Variants in KCNT2 observed in about 807,000 individuals in gnomAD.
KCNT2 encodes potassium sodium-activated channel subfamily T member 2.
KCNT2 carries 67 observed loss-of-function variants against 153.8 expected under a neutral mutation model. That is an observed-to-expected ratio of 0.44 (90% CI 0.36 to 0.53). The LOEUF (loss-of-function observed/expected upper bound fraction) is 0.53. Among genes scored for constraint, KCNT2 ranks in the 20% least tolerant of loss-of-function variants. KCNT2 has a pLI of 0.00. For missense variants in KCNT2, 975 were observed against 1,354.8 expected, an observed-to-expected ratio of 0.72 and a Z score of 4.40; for synonymous variants, 500 against 458.8, an observed-to-expected ratio of 1.09 and a Z score of -1.15.
At chr1:196,448,075 C>T (rs983999385) in intron 8 of KCNT2, among the ~76,000 whole-genome samples, 17 of 151,582 alleles carry the variant, frequency 1.1e-4, no homozygotes, top group Non-Finnish European at 1.9e-4. Context: ...AACATGTCAT[C>T]CCCTGAAAAA....
intron 1 of KCNT2, among the ~76,000 whole-genome samples, chr1:196,581,357 A>C (rs1662017180): frequency 6.6e-6 from 1 of 152,224 alleles, no homozygotes; most frequent in African/African-American, 2.4e-5. Context: ...CTAGATCTGG[A>C]CCAGTTTAGT....
chr1:196,479,965 T>C (rs992556919), intron 4 of KCNT2, among the ~76,000 whole-genome samples: 1 of 152,242 alleles, frequency 6.6e-6, no homozygotes. Flanking sequence ...TCAGATTTTA[T>C]TTGAATGAAT....
chr1:196,421,934 C>G (rs1018369300), intron 12 of KCNT2, among the ~76,000 whole-genome samples: 9 of 151,990 alleles, frequency 5.9e-5, no homozygotes. Flanking sequence ...CAAATTTTCT[C>G]TTTTTATAAG....
chr1:196,524,190 C>T (rs1314307684), intron 1 of KCNT2, among the ~76,000 whole-genome samples: 1 of 152,212 alleles, frequency 6.6e-6, no homozygotes. Flanking sequence ...GAACACTGAC[C>T]CCATTCATTT....
intron 1 of KCNT2, among the ~76,000 whole-genome samples, chr1:196,519,178 A>G (rs1395957302): frequency 6.6e-6 from 1 of 152,188 alleles, no homozygotes; most frequent in Non-Finnish European, 1.5e-5. Context: ...AAATTAAATA[A>G]CCTGCTCCTC....
intron 1 of KCNT2, among the ~76,000 whole-genome samples, chr1:196,493,237 T>C (rs60344072): frequency 0.017 from 2,619 of 152,056 alleles, 79 homozygotes; most frequent in African/African-American, 0.059. Flanking sequence ...ATTTTAATGT[T>C]TACGCAAAAA....
At chr1:196,408,480 A>G (rs1343811510) in intron 12 of KCNT2, among the ~76,000 whole-genome samples, 3 of 151,678 alleles carry the variant, frequency 2.0e-5, no homozygotes, top group Admixed American at 6.6e-5. Context: ...TTCAAAGTCC[A>G]TAATTATTGT....
At chr1:196,269,234 T>C (rs1160983896) in intron 25 of KCNT2, among the ~76,000 whole-genome samples, 1 of 152,214 alleles carries the variant, frequency 6.6e-6, no homozygotes, top group African/African-American at 2.4e-5. Flanking sequence ...CAAATATATG[T>C]TGAGCACTTG....
chr1:196,536,899 C>T (rs1655657361), intron 1 of KCNT2, among the ~76,000 whole-genome samples: 1 of 152,204 alleles, frequency 6.6e-6, no homozygotes, highest in Non-Finnish European at 1.5e-5. Context: ...CTGCCACACT[C>T]TCATGAGCCT....
In KCNT2 at chr1:196,469,060, G is replaced by A. The variant is rs778383748; in HGVS notation, c.393C>T (p.Ile131=). 33 of 1,588,414 alleles carry A rather than the reference G, an allele frequency of 2.1e-5. No homozygotes were observed. Among genetic ancestry groups the A allele is most frequent in the Non-Finnish European group, 2.8e-5 (32 of 1,161,570 alleles). Residue 131 remains isoleucine (I), a synonymous_variant, in exon 6 of 28, where the codon ATC becomes ATT. Transcript: ENST00000294725. ...LLGYLSYKGN[I]WEQILRIPFI... is the part of the protein sequence containing the mutation. The stretch of plus-strand genomic sequence containing the variant: ...AGGGTATTCGTAAAATCTGTTCCCA[G>A]ATGTTTCCCTTCCAAGAAAGAATGA...
intron 1 of KCNT2, among the ~76,000 whole-genome samples, chr1:196,534,809 C>A (rs1266830390): frequency 6.6e-6 from 1 of 152,156 alleles, no homozygotes; most frequent in Non-Finnish European, 1.5e-5. Flanking sequence ...AATGACCCAA[C>A]TTCACTGATA....
chr1:196,338,761 A>C (rs1227754965), intron 16 of KCNT2, among the ~76,000 whole-genome samples: 1 of 151,922 alleles, frequency 6.6e-6, no homozygotes, highest in Non-Finnish European at 1.5e-5. Flanking sequence ...CAGGGAGAGA[A>C]GGATGGAGGC....
chr1:196,578,426 C>T (rs568392157), intron 1 of KCNT2, among the ~76,000 whole-genome samples: 2 of 152,168 alleles, frequency 1.3e-5, no homozygotes, highest in African/African-American at 4.8e-5. Context: ...GAACCAACAC[C>T]TCCTTCTTCA....
At chr1:196,297,511 T>G (rs1660784136) in intron 22 of KCNT2, among the ~76,000 whole-genome samples, 1 of 152,122 alleles carries the variant, frequency 6.6e-6, no homozygotes, top group Non-Finnish European at 1.5e-5. Context: ...ACAATCACAA[T>G]CCTATAAATA....
intron 18 of KCNT2, among the ~76,000 whole-genome samples, chr1:196,327,354 A>C (rs1187569773): frequency 6.6e-6 from 1 of 152,020 alleles, no homozygotes; most frequent in Non-Finnish European, 1.5e-5. Context: ...AACTGTCTAC[A>C]TGCATATTTG....
chr1:196,367,673 C>CA (rs1371131115), intron 14 of KCNT2, among the ~76,000 whole-genome samples: 1 of 152,106 alleles, frequency 6.6e-6, no homozygotes, highest in African/African-American at 2.4e-5. Flanking sequence ...AAATCTGTGA[C>CA]AAAATGACAG....
rs1659032878 is a variant in KCNT2 at position 196,280,925 on chromosome 1, A to C, written c.2845T>G (p.Ser949Ala). 6.2e-7 allele frequency: 1 copy of C among 1,610,456 alleles called. No individual in the cohort carries two copies. The change falls in exon 25 of 28, where the codon TCT (serine) becomes GCT (alanine). Residue 949 changes from serine (S) to alanine (A), a missense_variant. Ser to Ala is a moderately conservative substitution (Grantham distance 99). Around this residue, in one of 6 missense-constraint regions of KCNT2, gnomAD observed 241 missense variants for 271.1 expected, o/e 0.89. Transcript: ENST00000294725. ...TYARLYQKLC[S>A]STGDVPIGIY... ...CCAATGGGAACATCTCCAGTAGAAGAACACAACTTCTGATAAAGTCTGGCA... is the reference window on the plus strand; with the variant it reads ...CCAATGGGAACATCTCCAGTAGAAGCACACAACTTCTGATAAAGTCTGGCA...
chr1:196,462,764 A>G (rs1677261574), intron 8 of KCNT2, among the ~76,000 whole-genome samples: 1 of 151,800 alleles, frequency 6.6e-6, no homozygotes, highest in African/African-American at 2.4e-5. Context: ...AACTAGGATA[A>G]CCCTAGGTTT....
intron 1 of KCNT2, among the ~76,000 whole-genome samples, chr1:196,549,011 G>A (rs1008908580): frequency 6.6e-6 from 1 of 151,824 alleles, no homozygotes; most frequent in African/African-American, 2.4e-5. Flanking sequence ...GTTGTGGGGT[G>A]GGGGAGGGAG....
Sources: gnomAD v4.1 joint callset for allele counts (sites outside exome capture counted in the v4.1 genomes callset) on GRCh38, gnomAD v4.1.1 for gene constraint, gnomAD v4.1.1 regional missense constraint, MANE v1.5 for transcripts, NCBI Gene and HGNC (gene_info 2026-07-23, HGNC 2026-07-21) for gene names.